The following PIGL variants were observed in gnomAD, a reference collection of about 807,000 sequenced individuals.
The protein encoded by PIGL is N-acetylglucosaminyl-phosphatidylinositol de-N-acetylase.
In PIGL, 22 loss-of-function variants were observed where a neutral mutation model predicts 31.1. That is an observed-to-expected ratio of 0.71 (90% CI 0.51 to 1.01). The LOEUF is 1.01. PIGL is among the 50% of genes least tolerant of loss of function. The pLI, the probability that PIGL is intolerant of heterozygous loss-of-function variation, is 0.00. For missense variants in PIGL, 302 were observed against 315.9 expected, an observed-to-expected ratio of 0.96 and a Z score of 0.33; for synonymous variants, 131 against 117.4, an observed-to-expected ratio of 1.12 and a Z score of -0.75.
At chr17:16,325,672 G>A (rs1159382607) in intron 6 of PIGL, 128 bp from the exon 7 acceptor site, 1 of 707,446 alleles carries the variant, frequency 1.4e-6, no homozygotes, top group Non-Finnish European at 2.4e-6. Flanking sequence ...ACAGGAAGAA[G>A]ACAGATAAGG....
intron 3 of PIGL, among the ~76,000 whole-genome samples, chr17:16,312,106 C>T (rs1260726740): frequency 4.9e-5 from 7 of 144,082 alleles, no homozygotes; most frequent in Non-Finnish European, 9.1e-5. Flanking sequence ...ACCTCCCTCC[C>T]GGAGGGGGCG....
chr17:16,251,595 T>C (rs1600778499), intron 2 of PIGL, among the ~76,000 whole-genome samples: 1 of 150,974 alleles, frequency 6.6e-6, no homozygotes, highest in East Asian at 1.9e-4. Flanking sequence ...AAAATCTAGT[T>C]CTCAAGAAAA....
intron 2 of PIGL, among the ~76,000 whole-genome samples, chr17:16,254,218 C>T (rs189376904): frequency 2.6e-5 from 4 of 152,272 alleles, no homozygotes; most frequent in East Asian, 1.9e-4. Context: ...ACTTTTGTTA[C>T]ATTCCCATTG....
rs143387730 is a variant in PIGL at position 16,258,139 on chromosome 17, A to AAG, written c.335+24087_335+24088dup. Among the ~76,000 whole-genome samples the AAG allele has an allele frequency of 2.3e-4, 23 of 99,380 alleles. 4 individuals are homozygous for AAG. The highest frequency in any genetic ancestry group is 6.9e-4 in the Admixed American group (6 of 8,700). 65.2% of individuals were successfully genotyped at this position (99,380 alleles called of 152,430 possible). ...AGAGAGAGAGAAAGAGAGAGAGAGA[A>AAG]AGAGAGAGAGAGAGAGAGAAAACTC... is the stretch of plus-strand genomic sequence containing the variant. On this transcript the variant is annotated intron_variant, in intron 2 of 6. Coordinates refer to ENST00000225609, the MANE Select transcript of PIGL (RefSeq NM_004278.4).
rs892081771 is a variant in PIGL, at chr17:16,235,714, A to C, written c.335+1644A>C. Among the ~76,000 whole-genome samples, 32 of 149,722 alleles carry C rather than the reference A, an allele frequency of 2.1e-4. 1 individual carries two copies. Among genetic ancestry groups the C allele is most frequent in the Admixed American group, 2.1e-3 (32 of 14,986 alleles). On this transcript the variant is annotated intron_variant, in intron 2 of 6. Coordinates refer to ENST00000225609, the MANE Select transcript of PIGL (RefSeq NM_004278.4). Reference sequence around the variant, plus strand: ...GTGATCCACCTGCCTCGGCCTCCCAAAGTGCTGTGATTATAGCCATGAACC... The same window carrying C: ...GTGATCCACCTGCCTCGGCCTCCCACAGTGCTGTGATTATAGCCATGAACC...
intron 1 of PIGL, among the ~76,000 whole-genome samples, chr17:16,228,216 G>A (rs1473045276): frequency 2.6e-5 from 4 of 151,024 alleles, no homozygotes; most frequent in East Asian, 3.9e-4. Context: ...CACCATGCCC[G>A]GCTAATTTTT....
At chr17:16,243,208 C>G (rs1012443587) in intron 2 of PIGL, among the ~76,000 whole-genome samples, 1 of 152,052 alleles carries the variant, frequency 6.6e-6, no homozygotes, top group African/African-American at 2.4e-5. Flanking sequence ...GTGCCACCCA[C>G]CCAGCTAATT....
intron 2 of PIGL, among the ~76,000 whole-genome samples, chr17:16,236,260 T>A (rs554118952): frequency 3.3e-5 from 5 of 152,352 alleles, no homozygotes; most frequent in Admixed American, 6.5e-5. Flanking sequence ...CTAACTTTCA[T>A]TAGGAAATTA....
At chr17:16,306,522 C>CTTTTTTTTTTTTTTTTTTTT (rs34479966) in intron 3 of PIGL, among the ~76,000 whole-genome samples, 1 of 113,670 alleles carries the variant, frequency 8.8e-6, no homozygotes, top group Non-Finnish European at 1.7e-5. Flanking sequence ...GTTATACGAT[C>CTTTTTTTTTTTTTTTTTTTT]TTTTTTTTTT....
chr17:16,322,214 C>T (rs2142879924), intron 6 of PIGL, among the ~76,000 whole-genome samples: 1 of 152,238 alleles, frequency 6.6e-6, no homozygotes, highest in South Asian at 2.1e-4. Context: ...CTGTCTCAGT[C>T]TCCTGAGTAG....
intron 2 of PIGL, among the ~76,000 whole-genome samples, chr17:16,236,273 C>T (rs561879521): frequency 3.9e-5 from 6 of 152,222 alleles, no homozygotes; most frequent in East Asian, 3.9e-4. Context: ...GGAAATTACG[C>T]GTTTTTATGT....
chr17:16,283,295 G>A (rs1368348284), intron 2 of PIGL, among the ~76,000 whole-genome samples: 3 of 152,070 alleles, frequency 2.0e-5, no homozygotes, highest in Non-Finnish European at 2.9e-5. Flanking sequence ...GAGCCACTGT[G>A]CCTGGCCAAA....
chr17:16,270,990 T>C (rs750946453), intron 2 of PIGL, among the ~76,000 whole-genome samples: 45 of 152,194 alleles, frequency 3.0e-4, no homozygotes, highest in Non-Finnish European at 5.4e-4. Context: ...GGATGTATTA[T>C]GAATGACTGC....
At chr17:16,316,202 T>C (rs2093076370) in intron 4 of PIGL, among the ~76,000 whole-genome samples, 1 of 152,260 alleles carries the variant, frequency 6.6e-6, no homozygotes, top group South Asian at 2.1e-4. Context: ...TTGGAGCTCA[T>C]TGCAGTTGAC....
At chr17:16,282,996 C>T (rs1045567053) in intron 2 of PIGL, among the ~76,000 whole-genome samples, 1 of 136,966 alleles carries the variant, frequency 7.3e-6, no homozygotes, top group Non-Finnish European at 1.6e-5. Context: ...CCCATGTCTA[C>T]CAAAAAAGAA....
intron 3 of PIGL, among the ~76,000 whole-genome samples, chr17:16,301,896 T>C (rs987542984): frequency 2.0e-5 from 3 of 151,908 alleles, no homozygotes; most frequent in African/African-American, 7.3e-5. Flanking sequence ...AGACAGGATC[T>C]TGCTGTGTTG....
At chr17:16,320,973 T>C (rs978530573) in intron 6 of PIGL, among the ~76,000 whole-genome samples, 2 of 138,724 alleles carry the variant, frequency 1.4e-5, no homozygotes, top group African/African-American at 5.4e-5. Flanking sequence ...AGTCTTGCTC[T>C]GTCACCCAGG....
chr17:16,231,061 G>GT (rs2092676354), intron 1 of PIGL, among the ~76,000 whole-genome samples: 1 of 130,308 alleles, frequency 7.7e-6, no homozygotes, highest in Non-Finnish European at 1.6e-5. Flanking sequence ...TTTGGTTTTG[G>GT]TTTTTCTTTT....
At chr17:16,247,023 G>C (rs918469772) in intron 2 of PIGL, among the ~76,000 whole-genome samples, 4 of 151,886 alleles carry the variant, frequency 2.6e-5, no homozygotes, top group Non-Finnish European at 5.9e-5. Context: ...TTTCTTATGA[G>C]GACTCTCTTC....
Sources: allele counts gnomAD v4.1 joint callset (sites outside exome capture counted in the v4.1 genomes callset), GRCh38; gene constraint gnomAD v4.1.1; transcripts MANE v1.5; gene names NCBI Gene and HGNC (gene_info 2026-07-23, HGNC 2026-07-21).